Variants in NRXN3 observed in about 807,000 individuals in gnomAD.
NRXN3 encodes the protein neurexin III.
Under a neutral mutation model 137.6 loss-of-function variants are expected in NRXN3, and 32 were observed. The observed-to-expected ratio is 0.23, with a 90% CI of 0.18 to 0.31. NRXN3 has a LOEUF of 0.31. Ranked by LOEUF, NRXN3 falls within the 10% of genes least tolerant of loss-of-function variation. The pLI, the probability that NRXN3 is intolerant of heterozygous loss-of-function variation, is 1.00. For missense variants in NRXN3, 1,574 were observed against 2,062.5 expected (o/e 0.76, Z 4.59); for synonymous variants, 798 against 784.5 (o/e 1.02, Z -0.29).
chr14:78,202,991 T>C (rs796185326), intron 1 of NRXN3, among the ~76,000 whole-genome samples: 21 of 152,308 alleles, frequency 1.4e-4, no homozygotes, highest in African/African-American at 4.8e-4. Context: ...TGGTCGGGGC[T>C]ACCATCCCCC....
chr14:78,778,672 C>T (rs1472777425), intron 8 of NRXN3, among the ~76,000 whole-genome samples: 2 of 139,604 alleles, frequency 1.4e-5, no homozygotes, highest in East Asian at 4.4e-4. Context: ...TTTCTTTTCT[C>T]TTTTCTTTTC....
chr14:78,822,888 C>A (rs369510214), intron 10 of NRXN3, among the ~76,000 whole-genome samples: 48 of 152,240 alleles, frequency 3.2e-4, no homozygotes, highest in African/African-American at 1.1e-3. Context: ...CACTCTAGAA[C>A]AAGTGCTGAT....
chr14:79,835,870 G>A (rs984827927), intron 20 of NRXN3, among the ~76,000 whole-genome samples: 8 of 152,116 alleles, frequency 5.3e-5, no homozygotes, highest in Admixed American at 6.6e-5. Flanking sequence ...CATGATAGTC[G>A]CACAGGAAAC....
chr14:78,694,807 A>C lies in NRXN3; in HGVS notation c.1222-14410A>C, dbSNP rs532002457. Among the ~76,000 whole-genome samples the C allele has an allele frequency of 1.2e-4, 19 of 152,046 alleles. 1 individual carries two copies. The highest frequency in any genetic ancestry group is 6.8e-3 in the Middle Eastern group (2 of 294). ...CTTTCTCCATAAACCTGACCAGTCC[A>C]TGTATAGCAAGCCTCAAAGGATGCA... On this transcript the variant is annotated intron_variant, in intron 6 of 20. Transcript: ENST00000335750.
intron 15 of NRXN3, among the ~76,000 whole-genome samples, chr14:79,315,289 T>C (rs527852544): frequency 1.3e-5 from 2 of 152,336 alleles, no homozygotes; most frequent in East Asian, 3.9e-4. Flanking sequence ...GTTGTTAGTC[T>C]TTTCCTCAAG....
intron 4 of NRXN3, among the ~76,000 whole-genome samples, chr14:78,363,067 C>A (rs1296585801): frequency 1.3e-5 from 2 of 152,212 alleles, no homozygotes; most frequent in African/African-American, 4.8e-5. Flanking sequence ...TTGCCCTTCA[C>A]CCACCTCATT....
At chr14:79,384,546 G>A (rs1419456711) in intron 15 of NRXN3, among the ~76,000 whole-genome samples, 2 of 152,124 alleles carry the variant, frequency 1.3e-5, no homozygotes, top group Non-Finnish European at 2.9e-5. Context: ...TCTTACCCCA[G>A]GAGAGATCAA....
At chr14:79,725,346 T>C (rs1330751925) in intron 19 of NRXN3, among the ~76,000 whole-genome samples, 1 of 152,192 alleles carries the variant, frequency 6.6e-6, no homozygotes, top group Non-Finnish European at 1.5e-5. Flanking sequence ...TTGCTTCAGC[T>C]GAGCAGAAGT....
intron 4 of NRXN3, among the ~76,000 whole-genome samples, chr14:78,380,070 GAAAT>G (rs1407159940): frequency 1.3e-5 from 2 of 152,064 alleles, no homozygotes; most frequent in East Asian, 1.9e-4. Flanking sequence ...AATGCTAAAA[GAAAT>G]AAAATCTAAA....
chr14:79,104,865 A>G (rs956773697), intron 15 of NRXN3, among the ~76,000 whole-genome samples: 1 of 148,782 alleles, frequency 6.7e-6, no homozygotes, highest in Non-Finnish European at 1.5e-5. Context: ...AGCAATTGCT[A>G]TATCCAACAT....
intron 10 of NRXN3, among the ~76,000 whole-genome samples, chr14:78,813,972 C>T (rs1425499993): frequency 6.6e-6 from 1 of 152,132 alleles, no homozygotes; most frequent in East Asian, 1.9e-4. Flanking sequence ...TTCTGCCTTT[C>T]TTAACTTCTC....
At chr14:78,728,147 AC>A (rs1036238660) in intron 8 of NRXN3, among the ~76,000 whole-genome samples, 3 of 152,180 alleles carry the variant, frequency 2.0e-5, no homozygotes, top group Non-Finnish European at 4.4e-5. Context: ...CTTGCTTTGT[AC>A]CTTTGGGCTG....
At chr14:79,660,847 A>C (rs1399047662) in intron 16 of NRXN3, among the ~76,000 whole-genome samples, 1 of 152,110 alleles carries the variant, frequency 6.6e-6, no homozygotes, top group Non-Finnish European at 1.5e-5. Context: ...TGGGCAGAGG[A>C]GTAATGGTGT....
chr14:78,338,329 G>A (rs1312369047), intron 4 of NRXN3, among the ~76,000 whole-genome samples: 1 of 152,202 alleles, frequency 6.6e-6, no homozygotes, highest in African/African-American at 2.4e-5. Context: ...TAATGTGATG[G>A]ACAGTGCAGA....
chr14:79,679,824 C>CTAAT (rs1324831341), intron 17 of NRXN3, among the ~76,000 whole-genome samples: 1 of 151,978 alleles, frequency 6.6e-6, no homozygotes, highest in African/African-American at 2.4e-5. Context: ...TTTTAAAGCC[C>CTAAT]TAATTTTAAA....
At chr14:78,511,053 A>G (rs2096095877) in intron 4 of NRXN3, among the ~76,000 whole-genome samples, 1 of 152,150 alleles carries the variant, frequency 6.6e-6, no homozygotes. Context: ...TCCATAACCC[A>G]GTGCCTTCTT....
chr14:79,211,278 G>A (rs1474171980), intron 15 of NRXN3, among the ~76,000 whole-genome samples: 1 of 152,124 alleles, frequency 6.6e-6, no homozygotes, highest in Non-Finnish European at 1.5e-5. Context: ...TACATAAAAT[G>A]AGTTTAGAAG....
At chr14:78,807,741 A>C (rs71428797) in intron 9 of NRXN3, among the ~76,000 whole-genome samples, 1 of 116,622 alleles carries the variant, frequency 8.6e-6, no homozygotes, top group Non-Finnish European at 1.9e-5. Context: ...TCTCAAAAAA[A>C]AAAAAAAAAA....
At chr14:79,245,524 T>G (rs993647405) in intron 15 of NRXN3, among the ~76,000 whole-genome samples, 15 of 152,098 alleles carry the variant, frequency 9.9e-5, no homozygotes, top group Admixed American at 9.8e-4. Flanking sequence ...GGTCAAGATA[T>G]TCATCTTTCC....
Sources: allele counts gnomAD v4.1 joint callset (sites outside exome capture counted in the v4.1 genomes callset), GRCh38; gene constraint gnomAD v4.1.1; transcripts MANE v1.5; gene names NCBI Gene and HGNC (gene_info 2026-07-23, HGNC 2026-07-21).